MTOR: variants seen among roughly 807,000 people sequenced by gnomAD.
The protein encoded by MTOR is serine/threonine-protein kinase mTOR.
In MTOR, 70 loss-of-function variants were observed where a neutral mutation model predicts 319.8. That is an observed-to-expected ratio of 0.22 (90% CI 0.18 to 0.27). MTOR has a LOEUF of 0.27. MTOR is among the 10% of genes least tolerant of loss of function. The probability of loss-of-function intolerance (pLI) is 1.00; values close to 1 mark genes in which losing one functional copy is unlikely to be tolerated. For missense variants in MTOR, 1,890 were observed against 3,274.4 expected (o/e 0.58, Z 10.32); for synonymous variants, 1,183 against 1,211.4 (o/e 0.98, Z 0.49).
intron 56 of MTOR, among the ~76,000 whole-genome samples, chr1:11,108,754 G>A (rs1641707675): frequency 6.6e-6 from 1 of 151,236 alleles, no homozygotes; most frequent in Non-Finnish European, 1.5e-5. Flanking sequence ...GAAAAATTCG[G>A]CCGGGTGCGG....
chr1:11,164,859 T>G lies in MTOR; in HGVS notation c.4329+2583A>C, dbSNP rs34464114. 5.5e-3 allele frequency among the ~76,000 whole-genome samples: 845 copies of G among 152,330 alleles called. 3 individuals are homozygous for G. Among genetic ancestry groups the G allele is most frequent in the East Asian group, 0.011 (57 of 5,188 alleles). On this transcript the variant is annotated intron_variant, in intron 29 of 57. Coordinates refer to ENST00000361445, the MANE Select transcript of MTOR (RefSeq NM_004958.4). ...GATGCAAAAATCCTCAATAAAATAC[T>G]GGCAAACTGAATCCAGCAGCACATC...
Position 11,231,519 on chromosome 1 carries a change from G to A in MTOR, c.2515-85C>T, listed in dbSNP as rs1435309033. The A allele has an allele frequency of 4.6e-6, 7 of 1,512,236 alleles. No individual in the cohort carries two copies. In the East Asian group the frequency reaches 1.6e-4, roughly 34 times the overall value. 93.7% of individuals were successfully genotyped at this position (1,512,236 alleles called of 1,614,324 possible). On this transcript the variant is annotated intron_variant, in intron 16 of 57. Transcript: ENST00000361445. ...GAACTCTTTGTATAATGATTATAAT[G>A]AAGTGTTAGAGGCTGTAAGAAGAAA...
chr1:11,108,461 CCCAGCACTTTAGGA>C (rs1218633481), intron 56 of MTOR, among the ~76,000 whole-genome samples, 175 bp from the exon 57 acceptor site: 1 of 151,308 alleles, frequency 6.6e-6, no homozygotes, highest in Non-Finnish European at 1.5e-5. Context: ...CGCCTGTAAT[CCCAGCACTTTAGGA>C]GGCTGAGGCA....
At chr1:11,228,980 C>G (rs1002420426) in intron 18 of MTOR, 62 bp from the exon 19 acceptor site, 1 of 1,586,698 alleles carries the variant, frequency 6.3e-7, no homozygotes, top group Non-Finnish European at 8.6e-7. Context: ...TCAGGCAGAG[C>G]ATGGTTAGTA....
intron 34 of MTOR, 136 bp downstream of exon 34, chr1:11,144,512 T>C (rs1643861670): frequency 1.5e-6 from 1 of 662,758 alleles, no homozygotes; most frequent in Non-Finnish European, 2.6e-6. Context: ...CTGCTTTGTA[T>C]GCAAGCCAAG....
intron 30 of MTOR, among the ~76,000 whole-genome samples, chr1:11,153,926 G>C (rs558030558): frequency 6.6e-6 from 1 of 151,344 alleles, no homozygotes; most frequent in Non-Finnish European, 1.5e-5. Flanking sequence ...AAAATCAGCC[G>C]GGAGTGGTGG....
At chr1:11,156,682 C>T (rs1644328444) in intron 30 of MTOR, among the ~76,000 whole-genome samples, 1 of 152,140 alleles carries the variant, frequency 6.6e-6, no homozygotes, top group Admixed American at 6.5e-5. Flanking sequence ...ACAGGAAAGG[C>T]CTGTTTTCTT....
chr1:11,117,263 C>T (rs1048953616), intron 49 of MTOR, among the ~76,000 whole-genome samples, 177 bp from the exon 50 acceptor site: 8 of 152,198 alleles, frequency 5.3e-5, no homozygotes, highest in Admixed American at 5.2e-4. Flanking sequence ...CGGGTTCAAG[C>T]GGTTCTCATG....
intron 26 of MTOR, among the ~76,000 whole-genome samples, chr1:11,201,343 A>G (rs879577821): frequency 5.3e-5 from 8 of 152,206 alleles, no homozygotes; most frequent in Non-Finnish European, 1.0e-4. Flanking sequence ...TGAGTACATG[A>G]TATCTCCACA....
At chr1:11,252,211 G>A (rs908017657) in intron 6 of MTOR, among the ~76,000 whole-genome samples, 6 of 152,048 alleles carry the variant, frequency 3.9e-5, no homozygotes, top group African/African-American at 9.7e-5. Flanking sequence ...TAAATGCTAT[G>A]TAAATATTTG....
chr1:11,127,004 T>A lies in MTOR; in HGVS notation c.6351+6A>T, dbSNP rs2100400766. 6.2e-7 allele frequency: 1 copy of A among 1,614,070 alleles called. No homozygotes were observed. The highest frequency in any genetic ancestry group is 8.5e-7 in the Non-Finnish European group (1 of 1,179,986). ...GTTAACCCTGCCAGGAGCCTGAAGA[T>A]CCTACCTGAGGCAGCTGCTTTGAGA... On this transcript the variant is annotated splice_donor_region_variant and intron_variant, in intron 45 of 57. Transcript: ENST00000361445. The surrounding 1 kb of genome is among the most constrained non-coding windows in gnomAD (Gnocchi z 5.5).
intron 19 of MTOR, among the ~76,000 whole-genome samples, chr1:11,221,349 AATGAGT>A (rs780954979): frequency 4.3e-4 from 65 of 152,286 alleles, no homozygotes; most frequent in Middle Eastern, 6.8e-3. Flanking sequence ...AACAGAAACA[AATGAGT>A]ATAACTATAA....
Position 11,197,624 on chromosome 1 carries a change from C to T in MTOR, c.4253+1634G>A, listed in dbSNP as rs570919244. Among the ~76,000 whole-genome samples the T allele has an allele frequency of 1.3e-4, 20 of 152,310 alleles. 1 individual carries two copies. In the South Asian group the frequency reaches 4.1e-3, roughly 32 times the overall value. ...TGACGCAATCTTGGCTCATTGCAAC[C>T]TCCACCTCCCAGGTTCAAGCAATTC... On this transcript the variant is annotated intron_variant, in intron 28 of 57. Coordinates refer to ENST00000361445, the MANE Select transcript of MTOR (RefSeq NM_004958.4).
At chr1:11,113,028 CA>C in intron 53 of MTOR, 111 bp from the exon 54 acceptor site, 6 of 1,133,684 alleles carry the variant, frequency 5.3e-6, no homozygotes, top group South Asian at 1.4e-5. Flanking sequence ...GCTATAGCCC[CA>C]AAAAAAGAGA....
chr1:11,192,283 C>T (rs1571122001), intron 28 of MTOR: 1 of 1,613,604 alleles, frequency 6.2e-7, no homozygotes, highest in Non-Finnish European at 8.5e-7. Context: ...CCATCTACGA[C>T]TGCTCTTCCC....
intron 31 of MTOR, among the ~76,000 whole-genome samples, chr1:11,148,781 C>G (rs1471785869): frequency 1.3e-5 from 2 of 152,026 alleles, no homozygotes; most frequent in South Asian, 4.2e-4. Flanking sequence ...TGCCTGGAAT[C>G]CCAGCTACTC....
intron 6 of MTOR, among the ~76,000 whole-genome samples, chr1:11,248,982 T>C (rs1649221942): frequency 6.6e-6 from 1 of 152,032 alleles, no homozygotes; most frequent in South Asian, 2.1e-4. Flanking sequence ...TCCCAGCACT[T>C]TGGGAGGCCT....
chr1:11,240,310 T>A lies in MTOR; in HGVS notation c.1779A>T (p.Glu593Asp). ...GCCGTTGTAATTTCTTACCTTCAAATTCAAAGCTGCCAAGCGTTCGGAGGG... is the reference window on the plus strand; with the variant it reads ...GCCGTTGTAATTTCTTACCTTCAAAATCAAAGCTGCCAAGCGTTCGGAGGG... The part of the protein sequence containing the change: ...TLALRTLGSF[E>D]FEGHSLTQFV... Residue 593 changes from glutamate (E) to aspartate (D), a missense_variant, in exon 11 of 58, where the codon GAA becomes GAT. Around this residue, in one of 15 missense-constraint regions of MTOR, gnomAD observed 418 missense variants for 543.1 expected, o/e 0.77. Transcript: ENST00000361445. 6.4e-7 allele frequency: 1 copy of A among 1,558,036 alleles called. No individual in the cohort carries two copies. Among genetic ancestry groups the A allele is most frequent in the Non-Finnish European group, 8.7e-7 (1 of 1,152,754 alleles).
intron 19 of MTOR, among the ~76,000 whole-genome samples, chr1:11,220,204 A>C (rs1233628514): frequency 6.6e-6 from 1 of 152,092 alleles, no homozygotes; most frequent in Non-Finnish European, 1.5e-5. Flanking sequence ...AGAAATTCAC[A>C]TCTAGATATA....
Sources: allele counts gnomAD v4.1 joint callset (sites outside exome capture counted in the v4.1 genomes callset), GRCh38; gene constraint gnomAD v4.1.1; regional missense constraint gnomAD v4.1.1; non-coding constraint Gnocchi (gnomAD v3.1); transcripts MANE v1.5; gene names NCBI Gene and HGNC (gene_info 2026-07-23, HGNC 2026-07-21).